Variants in ANKS1B observed in about 807,000 individuals in gnomAD.
ANKS1B encodes ankyrin repeat and sterile alpha motif domain-containing protein 1B.
ANKS1B carries 36 observed loss-of-function variants against 148.3 expected under a neutral mutation model. The ratio of observed to expected loss-of-function variants is 0.24; its 90% CI spans 0.19 to 0.32. ANKS1B has a LOEUF of 0.32. ANKS1B is among the 10% of genes least tolerant of loss of function. The pLI is 1.00. For missense variants in ANKS1B, 1,157 were observed against 1,542.6 expected (o/e 0.75, Z 4.19); for synonymous variants, 542 against 560.8 (o/e 0.97, Z 0.47).
At chr12:99,622,960 T>C (rs946332417) in intron 9 of ANKS1B, among the ~76,000 whole-genome samples, 1 of 151,952 alleles carries the variant, frequency 6.6e-6, no homozygotes, top group African/African-American at 2.4e-5. Context: ...AAGTAAAAAC[T>C]ACAGGCCAAT....
At chr12:99,135,558 A>C (rs1197560994) in intron 15 of ANKS1B, among the ~76,000 whole-genome samples, 1 of 152,230 alleles carries the variant, frequency 6.6e-6, no homozygotes, top group African/African-American at 2.4e-5. Flanking sequence ...ACTCCTCATC[A>C]AACACATCAA....
chr12:99,539,217 G>A (rs1033417016), intron 9 of ANKS1B, among the ~76,000 whole-genome samples: 6 of 152,060 alleles, frequency 3.9e-5, no homozygotes, highest in Admixed American at 3.9e-4. Flanking sequence ...ATATAAGATA[G>A]TATAAATGTA....
At chr12:99,350,857 T>C (rs770813045) in intron 12 of ANKS1B, among the ~76,000 whole-genome samples, 18 of 152,208 alleles carry the variant, frequency 1.2e-4, no homozygotes, top group African/African-American at 1.9e-4. Context: ...TCTTTCTGAA[T>C]GCATTCAGCT....
At chr12:99,410,948 G>A (rs2094682338) in intron 11 of ANKS1B, among the ~76,000 whole-genome samples, 1 of 152,198 alleles carries the variant, frequency 6.6e-6, no homozygotes, top group Admixed American at 6.5e-5. Flanking sequence ...GAATGCAGTG[G>A]CTCTGCCCTG....
At chr12:99,535,690 A>G (rs2097058638) in intron 9 of ANKS1B, among the ~76,000 whole-genome samples, 1 of 152,078 alleles carries the variant, frequency 6.6e-6, no homozygotes, top group Non-Finnish European at 1.5e-5. Context: ...TTACCTCACA[A>G]TTCTACTTCT....
chr12:99,827,083 C>T (rs1026356468), intron 1 of ANKS1B, among the ~76,000 whole-genome samples: 2 of 151,946 alleles, frequency 1.3e-5, no homozygotes, highest in African/African-American at 4.8e-5. Flanking sequence ...CATGCCACTG[C>T]ACTCCAGCCT....
intron 1 of ANKS1B, among the ~76,000 whole-genome samples, chr12:99,864,079 CAAAAAAAA>C (rs11445634): frequency 1.5e-5 from 1 of 65,288 alleles, no homozygotes; most frequent in African/African-American, 6.3e-5. Context: ...GACTACATCT[CAAAAAAAA>C]AAAAAAAAAA....
intron 15 of ANKS1B, among the ~76,000 whole-genome samples, chr12:99,109,365 A>G (rs1341892170): frequency 1.3e-5 from 2 of 152,174 alleles, no homozygotes; most frequent in Non-Finnish European, 2.9e-5. Context: ...GTGGGCTTTC[A>G]TTACGTGCCA....
intron 16 of ANKS1B, among the ~76,000 whole-genome samples, chr12:99,078,417 A>G (rs1462607414): frequency 2.6e-5 from 4 of 152,324 alleles, no homozygotes; most frequent in East Asian, 3.9e-4. Context: ...TAGATCAGTG[A>G]TGTTCAGGTT....
intron 8 of ANKS1B, among the ~76,000 whole-genome samples, chr12:99,712,206 G>A (rs1259267995): frequency 1.3e-5 from 2 of 152,154 alleles, no homozygotes; most frequent in Non-Finnish European, 2.9e-5. Context: ...TGAAAAGTAT[G>A]TCTTGATTTC....
intron 1 of ANKS1B, among the ~76,000 whole-genome samples, chr12:99,868,915 G>A (rs913859711): frequency 6.6e-6 from 1 of 152,002 alleles, no homozygotes; most frequent in Non-Finnish European, 1.5e-5. Flanking sequence ...AAAATAGCCG[G>A]GCATGGTGGC....
intron 4 of ANKS1B, among the ~76,000 whole-genome samples, chr12:99,790,570 G>A (rs1452304629): frequency 6.6e-6 from 1 of 152,020 alleles, no homozygotes; most frequent in African/African-American, 2.4e-5. Flanking sequence ...CACAGAGAAT[G>A]AAATAAGACA....
chr12:98,993,046 A>C (rs143547622), intron 17 of ANKS1B, among the ~76,000 whole-genome samples: 1 of 152,334 alleles, frequency 6.6e-6, no homozygotes, highest in African/African-American at 2.4e-5. Context: ...AATATTTTTA[A>C]ATGGTTCTCT....
At chr12:99,966,805 T>C (rs549118867) in intron 1 of ANKS1B, among the ~76,000 whole-genome samples, 5 of 152,362 alleles carry the variant, frequency 3.3e-5, no homozygotes, top group African/African-American at 1.2e-4. Flanking sequence ...ATTAATCTCA[T>C]GGATTACAGC....
chr12:99,409,319 T>C (rs2152658801), intron 11 of ANKS1B, among the ~76,000 whole-genome samples: 1 of 152,188 alleles, frequency 6.6e-6, no homozygotes, highest in Non-Finnish European at 1.5e-5. Flanking sequence ...GAACTCACAG[T>C]GGTAGAGAGT....
At chr12:99,391,761 G>A (rs1438109182) in intron 12 of ANKS1B, among the ~76,000 whole-genome samples, 7 of 152,094 alleles carry the variant, frequency 4.6e-5, no homozygotes, top group Admixed American at 2.6e-4. Flanking sequence ...CAAGCATCTC[G>A]TAACCTGTAC....
chr12:98,895,208 T>A, intron 17 of ANKS1B: 1 of 984,800 alleles, frequency 1.0e-6, no homozygotes, highest in Non-Finnish European at 1.2e-6. Flanking sequence ...CGCCTAGCAC[T>A]GGGGGTTGCC....
At chr12:99,624,777 G>A (rs2098092927) in intron 9 of ANKS1B, among the ~76,000 whole-genome samples, 1 of 152,016 alleles carries the variant, frequency 6.6e-6, no homozygotes, top group African/African-American at 2.4e-5. Flanking sequence ...GAGGAATAAA[G>A]GGAATGCTTA....
intron 1 of ANKS1B, among the ~76,000 whole-genome samples, chr12:99,903,748 A>AG (rs113265979): frequency 0.041 from 6,188 of 151,644 alleles, 401 homozygotes; most frequent in African/African-American, 0.14. Flanking sequence ...GAAAAATGGG[A>AG]GGGGGGGAGA....
Sources: gnomAD v4.1 joint callset for allele counts (sites outside exome capture counted in the v4.1 genomes callset) on GRCh38, gnomAD v4.1.1 for gene constraint, MANE v1.5 for transcripts, NCBI Gene and HGNC (gene_info 2026-07-23, HGNC 2026-07-21) for gene names.